Variants in PHIP observed in about 807,000 individuals in gnomAD.
The protein encoded by PHIP is PHIP subunit of CUL4-Ring ligase complex, also known as PH-interacting protein.
Under a neutral mutation model 236.8 loss-of-function variants are expected in PHIP, and 54 were observed. The observed-to-expected ratio is 0.23, with a 90% CI of 0.18 to 0.29. The LOEUF (loss-of-function observed/expected upper bound fraction) is 0.29. Among genes scored for constraint, PHIP ranks in the 10% least tolerant of loss-of-function variants. The probability of loss-of-function intolerance (pLI) is 1.00; values close to 1 mark genes in which losing one functional copy is unlikely to be tolerated. For missense variants in PHIP, 1,370 were observed against 2,190.8 expected (o/e 0.63, Z 7.48); for synonymous variants, 756 against 718.9 (o/e 1.05, Z -0.83).
intron 28 of PHIP, 59 bp from the exon 29 acceptor site, chr6:78,965,823 TA>T: frequency 8.4e-7 from 1 of 1,183,836 alleles, no homozygotes; most frequent in South Asian, 1.3e-5. Flanking sequence ...ACAATTTTAA[TA>T]AAATCAATTA....
At chr6:79,000,754 G>A (rs952799916) in intron 17 of PHIP, among the ~76,000 whole-genome samples, 3 of 151,824 alleles carry the variant, frequency 2.0e-5, no homozygotes, top group Admixed American at 6.6e-5. Context: ...CATACTTCTC[G>A]AATACTACTT....
Position 78,939,815 on chromosome 6 carries a change from G to T in PHIP, c.*878C>A, listed in dbSNP as rs1267637416. 6.6e-6 allele frequency: 1 copy of T among 152,270 alleles called. No homozygotes were observed. Among genetic ancestry groups the T allele is most frequent in the Admixed American group, 6.6e-5 (1 of 15,216 alleles). 9.4% of individuals were successfully genotyped at this position (152,270 alleles called of 1,614,324 possible). A position where few individuals can be genotyped will look rare whatever the true frequency, so the allele number is the denominator to read the frequency against. ...AACATCTCTGTCAAAGGACCCACCA[G>T]TGCATTATTTTCTATTAGTACCAAA... On this transcript the variant is annotated 3_prime_UTR_variant, in exon 40 of 40. Transcript: ENST00000275034.
At chr6:78,955,353 G>A (rs1039213436) in intron 33 of PHIP, 71 bp from the exon 34 acceptor site, 53 of 1,099,640 alleles carry the variant, frequency 4.8e-5, no homozygotes, top group Non-Finnish European at 7.1e-5. Context: ...TGATTAACTA[G>A]CAATTATTTC....
Position 78,985,393 on chromosome 6 carries a change from G to C in PHIP, c.2496C>G (p.Ser832=), listed in dbSNP as rs376565558. Residue 832 remains serine (S), a synonymous_variant, in exon 22 of 40, where the codon TCC becomes TCG. Transcript: ENST00000275034. ...TGTGCCATGCTCTCTCTTCTTCTTCGGATGTTCCACCACTGACAGCAACTA... is the reference window on the plus strand; with the variant it reads ...TGTGCCATGCTCTCTCTTCTTCTTCCGATGTTCCACCACTGACAGCAACTA... ...GEVVAVSGGT[S]EEEERAWHSD... The C allele has an allele frequency of 2.1e-5, 34 of 1,601,348 alleles. No individual in the cohort carries two copies. Among genetic ancestry groups the C allele is most frequent in the South Asian group, 5.5e-5 (5 of 90,808 alleles).
intron 15 of PHIP, among the ~76,000 whole-genome samples, chr6:79,009,852 T>C (rs1770479661): frequency 6.6e-6 from 1 of 151,716 alleles, no homozygotes; most frequent in Non-Finnish European, 1.5e-5. Context: ...TTAACATGCC[T>C]TTTGTACCAA....
intron 24 of PHIP, among the ~76,000 whole-genome samples, chr6:78,971,900 G>C (rs1401664540): frequency 6.6e-6 from 1 of 152,164 alleles, no homozygotes; most frequent in Non-Finnish European, 1.5e-5. Context: ...CTCGCTGATT[G>C]CTAGCACAGC....
chr6:78,961,524 G>A (rs1025338943), intron 31 of PHIP, among the ~76,000 whole-genome samples, 166 bp downstream of exon 31: 1 of 151,984 alleles, frequency 6.6e-6, no homozygotes, highest in Admixed American at 6.6e-5. Flanking sequence ...AGAATCTCAG[G>A]TCCCACTCCA....
chr6:79,077,966 G>C (rs1023116855), intron 1 of PHIP, 53 bp from the exon 2 acceptor site: 1 of 1,591,384 alleles, frequency 6.3e-7, no homozygotes, highest in Middle Eastern at 2.2e-4. Flanking sequence ...TCGGGCGGCG[G>C]GGGGCGGGGG....
At chr6:79,036,069 G>A (rs1771916412) in intron 7 of PHIP, among the ~76,000 whole-genome samples, 1 of 152,114 alleles carries the variant, frequency 6.6e-6, no homozygotes, top group African/African-American at 2.4e-5. Flanking sequence ...ACGAATTCAT[G>A]AATCTCCTAT....
At chr6:78,989,596 T>C (rs1769085102) in intron 20 of PHIP, among the ~76,000 whole-genome samples, 1 of 152,232 alleles carries the variant, frequency 6.6e-6, no homozygotes, top group Non-Finnish European at 1.5e-5. Context: ...ATTCCAGTTT[T>C]TGCGACCACA....
chr6:79,029,104 T>C (rs1047103629), intron 7 of PHIP, among the ~76,000 whole-genome samples: 4 of 152,198 alleles, frequency 2.6e-5, no homozygotes, highest in South Asian at 2.1e-4. Flanking sequence ...AAAATGCATA[T>C]GCTTCCCTCT....
chr6:79,001,699 CAAAATT>C (rs1770007893), intron 17 of PHIP, among the ~76,000 whole-genome samples, 194 bp downstream of exon 17: 2 of 152,140 alleles, frequency 1.3e-5, no homozygotes, highest in East Asian at 3.9e-4. Flanking sequence ...GATAATAAAT[CAAAATT>C]ATTACTGTAA....
rs980894272 is a variant in PHIP, at chr6:79,042,843, A to G, written c.600T>C (p.Thr200=). Residue 200 remains threonine, a splice_region_variant and synonymous_variant, in exon 7 of 40, where the codon ACT becomes ACC. Transcript: ENST00000275034. The part of the protein sequence containing the change: ...TFDRTGRRIF[T]GSDDCLVKIW... The stretch of plus-strand genomic sequence containing the variant: ...AAATAATACTTTAGCAATTACTTAC[A>G]GTAAATATCCGTCTGCCAGTTCGAT... The G allele has an allele frequency of 3.0e-5, 48 of 1,588,858 alleles. No individual in the cohort carries two copies. The highest frequency in any genetic ancestry group is 3.8e-5 in the Non-Finnish European group (45 of 1,169,342).
intron 24 of PHIP, among the ~76,000 whole-genome samples, chr6:78,975,675 G>A (rs1437271079): frequency 2.6e-5 from 4 of 152,156 alleles, no homozygotes; most frequent in Admixed American, 6.5e-5. Context: ...CTTCAGCAAA[G>A]TCTCAGGATA....
At chr6:79,017,964 C>T (rs1167257194) in intron 10 of PHIP, among the ~76,000 whole-genome samples, 1 of 151,832 alleles carries the variant, frequency 6.6e-6, no homozygotes, top group East Asian at 1.9e-4. Flanking sequence ...ACTTTTAAGG[C>T]CCAACTCCCT....
chr6:78,972,713 G>A (rs763610130), intron 24 of PHIP, among the ~76,000 whole-genome samples: 1 of 152,140 alleles, frequency 6.6e-6, no homozygotes, highest in Non-Finnish European at 1.5e-5. Flanking sequence ...ACCAAGGCTC[G>A]AGAACTATGT....
chr6:79,064,681 C>T (rs1015147037), intron 4 of PHIP, among the ~76,000 whole-genome samples: 1 of 152,170 alleles, frequency 6.6e-6, no homozygotes, highest in African/African-American at 2.4e-5. Flanking sequence ...CATTCCTTCT[C>T]ATTTTTCTTT....
At chr6:78,974,193 A>C (rs1408632452) in intron 24 of PHIP, among the ~76,000 whole-genome samples, 9 of 152,236 alleles carry the variant, frequency 5.9e-5, no homozygotes, top group Non-Finnish European at 1.0e-4. Context: ...ACCACAGAGC[A>C]ATCAAACTAG....
At chr6:78,970,535 CT>C (rs1767464332) in intron 25 of PHIP, among the ~76,000 whole-genome samples, 1 of 152,112 alleles carries the variant, frequency 6.6e-6, no homozygotes, top group South Asian at 2.1e-4. Context: ...GACTTATTAC[CT>C]AATTTTCACT....
Sources: allele counts gnomAD v4.1 joint callset (sites outside exome capture counted in the v4.1 genomes callset), GRCh38; gene constraint gnomAD v4.1.1; transcripts MANE v1.5; gene names NCBI Gene and HGNC (gene_info 2026-07-23, HGNC 2026-07-21).